The following TRPS1 variants were observed in gnomAD, a reference collection of about 807,000 sequenced individuals.
TRPS1 encodes zinc finger transcription factor Trps1.
Under a neutral mutation model 101.2 loss-of-function variants are expected in TRPS1, and 6 were observed. That is an observed-to-expected ratio of 0.06 (90% CI 0.03 to 0.12). The LOEUF is 0.12. Among genes scored for constraint, TRPS1 ranks in the 10% least tolerant of loss-of-function variants. The pLI, the probability that TRPS1 is intolerant of heterozygous loss-of-function variation, is 1.00. For missense variants in TRPS1, 1,363 were observed against 1,567.0 expected (o/e 0.87, Z 2.20); for synonymous variants, 578 against 589.8 (o/e 0.98, Z 0.29).
chr8:115,576,525 A>G (rs542713075), intron 5 of TRPS1, among the ~76,000 whole-genome samples: 1 of 152,260 alleles, frequency 6.6e-6, no homozygotes, highest in South Asian at 2.1e-4. Flanking sequence ...ACAGTATATG[A>G]GGCTTGAGTG....
At chr8:115,646,387 A>T (rs1002129913) in intron 1 of TRPS1, among the ~76,000 whole-genome samples, 1 of 152,220 alleles carries the variant, frequency 6.6e-6, no homozygotes, top group African/African-American at 2.4e-5. Context: ...ACAGAAGTCT[A>T]TTCCAGACAA....
At chr8:115,444,338 T>C (rs972516648) in intron 5 of TRPS1, among the ~76,000 whole-genome samples, 15 of 152,166 alleles carry the variant, frequency 9.9e-5, no homozygotes, top group African/African-American at 3.4e-4. Context: ...CTTACCATCA[T>C]GTCTGGTGTC....
chr8:115,582,729 G>A (rs1438596241), intron 5 of TRPS1, among the ~76,000 whole-genome samples: 2 of 152,160 alleles, frequency 1.3e-5, no homozygotes, highest in Non-Finnish European at 2.9e-5. Flanking sequence ...CCATGGTTGA[G>A]CATCTCCGCT....
intron 5 of TRPS1, among the ~76,000 whole-genome samples, chr8:115,543,801 T>C (rs180996934): frequency 6.6e-6 from 1 of 152,194 alleles, no homozygotes; most frequent in African/African-American, 2.4e-5. Context: ...TATAGATCAA[T>C]TACCTATCTT....
At chr8:115,499,301 A>G (rs1431079545) in intron 5 of TRPS1, among the ~76,000 whole-genome samples, 1 of 152,234 alleles carries the variant, frequency 6.6e-6, no homozygotes, top group Non-Finnish European at 1.5e-5. Context: ...ATATATGCAC[A>G]TTATGGATGA....
At chr8:115,659,386 T>A (rs1009457730) in intron 1 of TRPS1, among the ~76,000 whole-genome samples, 3 of 151,720 alleles carry the variant, frequency 2.0e-5, no homozygotes, top group African/African-American at 4.8e-5. Context: ...CCGTATTTTT[T>A]AATTTATAAT....
In TRPS1 at chr8:115,409,924, T is replaced by C. The variant is rs897439828; in HGVS notation, c.*4099A>G. On this transcript the variant is annotated 3_prime_UTR_variant, in exon 7 of 7. Coordinates refer to ENST00000395715, the MANE Select transcript of TRPS1 (RefSeq NM_014112.5). ...AGACGACTTGATCTTTTTTTCTTTT[T>C]TTTTTTTTGCCATGGCTCTCAAACC... The C allele has an allele frequency of 6.6e-6, 1 of 151,704 alleles. No individual in the cohort carries two copies. Among genetic ancestry groups the C allele is most frequent in the African/African-American group, 2.4e-5 (1 of 41,126 alleles). 9.4% of individuals were successfully genotyped at this position (151,704 alleles called of 1,614,324 possible).
At chr8:115,439,973 T>C (rs925012185) in intron 5 of TRPS1, among the ~76,000 whole-genome samples, 1 of 152,132 alleles carries the variant, frequency 6.6e-6, no homozygotes, top group African/African-American at 2.4e-5. Flanking sequence ...AAAAGAAACA[T>C]TGAGTTTTAT....
At chr8:115,536,522 CAAAAAAA>C (rs752895683) in intron 5 of TRPS1, among the ~76,000 whole-genome samples, 1 of 102,912 alleles carries the variant, frequency 9.7e-6, no homozygotes, top group Non-Finnish European at 1.9e-5. Context: ...GACTCCGTCT[CAAAAAAA>C]AAAAAAAAAA....
intron 1 of TRPS1, among the ~76,000 whole-genome samples, chr8:115,648,838 CTTTCTTTTTTTT>C (rs1443394874): frequency 6.6e-6 from 1 of 151,874 alleles, no homozygotes; most frequent in African/African-American, 2.4e-5. Context: ...CCAAACCACG[CTTTCTTTTTTTT>C]TTTCTTTTTT....
chr8:115,417,625 T>C (rs1812953585), intron 6 of TRPS1, among the ~76,000 whole-genome samples: 1 of 152,194 alleles, frequency 6.6e-6, no homozygotes, highest in African/African-American at 2.4e-5. Flanking sequence ...TTTAATTTTA[T>C]TACAGAATTC....
chr8:115,515,210 A>T (rs1006836892), intron 5 of TRPS1: 2 of 695,604 alleles, frequency 2.9e-6, no homozygotes, highest in Non-Finnish European at 2.6e-6. Flanking sequence ...TAAGATCTTC[A>T]TGGAAGCAAT....
At chr8:115,569,065 A>G (rs1214469402) in intron 5 of TRPS1, among the ~76,000 whole-genome samples, 1 of 152,114 alleles carries the variant, frequency 6.6e-6, no homozygotes, top group East Asian at 1.9e-4. Context: ...TTACTACATC[A>G]CGGTTAGATG....
chr8:115,640,138 ACTTGATAATTTCAAAAATTTC>A (rs1312540050), intron 1 of TRPS1, among the ~76,000 whole-genome samples: 3 of 152,240 alleles, frequency 2.0e-5, no homozygotes, highest in African/African-American at 7.2e-5. Flanking sequence ...TCAACTTTAT[ACTTGATAATTTCAAAAATTTC>A]CAAGAAAAAA....
chr8:115,649,600 C>T (rs898393987), intron 1 of TRPS1, among the ~76,000 whole-genome samples: 9 of 152,216 alleles, frequency 5.9e-5, no homozygotes, highest in African/African-American at 1.4e-4. Context: ...CCTCTTGGAA[C>T]GCAGCCTTTC....
intron 5 of TRPS1, among the ~76,000 whole-genome samples, chr8:115,559,416 T>C (rs1816897272): frequency 6.6e-6 from 1 of 152,142 alleles, no homozygotes; most frequent in Non-Finnish European, 1.5e-5. Context: ...AGGGTTATAA[T>C]AAGAAGTAAG....
At chr8:115,560,790 C>G (rs974984520) in intron 5 of TRPS1, among the ~76,000 whole-genome samples, 9 of 152,084 alleles carry the variant, frequency 5.9e-5, no homozygotes, top group Non-Finnish European at 1.5e-5. Context: ...TTTTTCACTC[C>G]TCTTTCGACT....
At chr8:115,452,095 T>C (rs766744224) in intron 5 of TRPS1, among the ~76,000 whole-genome samples, 5 of 152,236 alleles carry the variant, frequency 3.3e-5, no homozygotes, top group African/African-American at 1.2e-4. Flanking sequence ...GGCTTTATTT[T>C]AACAAGTGTG....
chr8:115,529,158 T>C (rs1424938497), intron 5 of TRPS1, among the ~76,000 whole-genome samples: 4 of 152,018 alleles, frequency 2.6e-5, no homozygotes, highest in South Asian at 2.1e-4. Flanking sequence ...TTTTGGCTGA[T>C]TGGCTATCAG....
Sources: gnomAD v4.1 joint callset for allele counts (sites outside exome capture counted in the v4.1 genomes callset) on GRCh38, gnomAD v4.1.1 for gene constraint, MANE v1.5 for transcripts, NCBI Gene and HGNC (gene_info 2026-07-23, HGNC 2026-07-21) for gene names.